Variants in OLIG2 observed in about 807,000 individuals in gnomAD.
The protein encoded by OLIG2 is basic domain, helix-loop-helix protein, class B, 1.
A neutral mutation model predicts 13.4 loss-of-function variants in OLIG2; 12 were observed. That is an observed-to-expected ratio of 0.90 (90% confidence interval 0.58 to 1.46). The LOEUF is 1.46. OLIG2 is among the 40% of genes most tolerant of loss of function. The probability of loss-of-function intolerance (pLI) is 0.00; values close to 1 mark genes in which losing one functional copy is unlikely to be tolerated. For missense variants in OLIG2, 415 were observed against 487.9 expected, an observed-to-expected ratio of 0.85 and a Z score of 1.41; for synonymous variants, 250 against 233.6, an observed-to-expected ratio of 1.07 and a Z score of -0.64.
Position 33,027,636 on chromosome 21 carries a change from C to A in OLIG2, c.774C>A (p.His258Gln). ...LPSVGSIRPP[H>Q]GLLKSPSAAA... is the part of the protein sequence containing the mutation. Reference sequence around the variant, plus strand: ...CGGTCGGCTCCATCCGTCCACCGCACGGCCTACTCAAGTCTCCGTCTGCTG... The same window carrying A: ...CGGTCGGCTCCATCCGTCCACCGCAAGGCCTACTCAAGTCTCCGTCTGCTG... Residue 258 changes from histidine (H) to glutamine (Q), a missense_variant, in exon 2 of 2, where the codon CAC (histidine) becomes CAA (glutamine). Around this residue, in one of 3 missense-constraint regions of OLIG2, gnomAD observed 243 missense variants for 241.2 expected, o/e 1.01. Transcript: ENST00000382357. 1 of 1,465,300 alleles carries A rather than the reference C, an allele frequency of 6.8e-7. No individual in the cohort carries two copies. Among genetic ancestry groups the A allele is most frequent in the Non-Finnish European group, 9.0e-7 (1 of 1,114,594 alleles). 90.8% of individuals were successfully genotyped at this position (1,465,300 alleles called of 1,614,324 possible).
chr21:33,026,446 C>T lies in OLIG2; in HGVS notation c.-62-355C>T, dbSNP rs1247855875. On this transcript the variant is annotated intron_variant, in intron 1 of 1. Transcript: ENST00000382357. This position sits in a 1 kb window ranked among gnomAD's most constrained non-coding sequence, Gnocchi z 6.6. ...CTCCCCAAAGAAAGGCCCTCACTTCCCACTCGTTTATTCCAGCCCGGGGGC... is the reference window on the plus strand; with the variant it reads ...CTCCCCAAAGAAAGGCCCTCACTTCTCACTCGTTTATTCCAGCCCGGGGGC... The T allele has an allele frequency of 4.8e-6, 1 of 209,250 alleles. No homozygotes were observed. Among genetic ancestry groups the T allele is most frequent in the African/African-American group, 2.3e-5 (1 of 42,630 alleles). 13.0% of individuals were successfully genotyped at this position (209,250 alleles called of 1,614,324 possible).
At position 33,026,766 on chromosome 21, in the gene OLIG2, CTCAT is replaced by C; in HGVS notation, c.-62-32_-62-29del. ...TCTCTCTCTCTCCCTCTCTCTCTCT[CTCAT>C]TCTCTCTCTTTTCTCCTCCTCTCCT... On this transcript the variant is annotated intron_variant, in intron 1 of 1. Coordinates refer to ENST00000382357, the MANE Select transcript of OLIG2 (RefSeq NM_005806.4). The surrounding 1 kb of genome is among the most constrained non-coding windows in gnomAD (Gnocchi z 6.6). The C allele has an allele frequency of 6.9e-7, 1 of 1,439,374 alleles. No homozygotes were observed. Among genetic ancestry groups the C allele is most frequent in the Non-Finnish European group, 9.4e-7 (1 of 1,067,128 alleles). The allele number at this position is 1,439,374 out of a possible 1,614,324, so 89.2% of individuals were successfully genotyped here.
At position 33,026,993 on chromosome 21, in the gene OLIG2, C is replaced by A; in HGVS notation, c.131C>A (p.Pro44Gln). 1.2e-6 allele frequency: 2 copies of A among 1,612,340 alleles called. No homozygotes were observed. The highest frequency in any genetic ancestry group is 1.7e-6 in the Non-Finnish European group (2 of 1,179,522). ...GGGGGCACCGTGTCCTCGTCCACCCCGAGTGACTGCCCGCCGGAGCTGAGC... is the reference window on the plus strand; with the variant it reads ...GGGGGCACCGTGTCCTCGTCCACCCAGAGTGACTGCCCGCCGGAGCTGAGC... ...FTGGTVSSSTPSDCPPELSAE... is the reference protein window; with the variant it reads ...FTGGTVSSSTQSDCPPELSAE... Residue 44 changes from proline (P) to glutamine (Q), a missense_variant, in exon 2 of 2, where the codon CCG becomes CAG. By Grantham distance (76) the Pro-to-Gln change is moderately conservative (BLOSUM62 -1). Coordinates refer to ENST00000382357, the MANE Select transcript of OLIG2 (RefSeq NM_005806.4). The surrounding 1 kb of genome is among the most constrained non-coding windows in gnomAD (Gnocchi z 6.6).
In OLIG2 at chr21:33,028,439, T is replaced by C. The variant is rs1465329076; in HGVS notation, c.*605T>C. On this transcript the variant is annotated 3_prime_UTR_variant, in exon 2 of 2. Coordinates refer to ENST00000382357, the MANE Select transcript of OLIG2 (RefSeq NM_005806.4). ...GGTATCAGAAGCGCTGATGGTCATATCCAATCTCAATATCTGGGTCAATCC... is the reference window on the plus strand; with the variant it reads ...GGTATCAGAAGCGCTGATGGTCATACCCAATCTCAATATCTGGGTCAATCC... The C allele has an allele frequency of 4.2e-6, 1 of 237,412 alleles. No homozygotes were observed. The highest frequency in any genetic ancestry group is 9.0e-6 in the Non-Finnish European group (1 of 111,488). The allele number at this position is 237,412 out of a possible 1,614,324, so 14.7% of individuals were successfully genotyped here.
chr21:33,027,791 T>A lies in OLIG2; in HGVS notation c.929T>A (p.Met310Lys). The change falls in exon 2 of 2, where the codon ATG (methionine) becomes AAG (lysine). Residue 310 changes from methionine to lysine, a missense_variant. This residue lies in a region of OLIG2 where 243 missense variants were observed against 241.2 expected (regional missense o/e 1.01). Transcript: ENST00000382357. ...CCGCCGCACCACCACGTGTCGGCTA[T>A]GGGCGCCGGCAGCCTGCCGCGCCTC... is the stretch of plus-strand genomic sequence containing the variant. ...VPPPHHHVSAMGAGSLPRLTS... is the reference protein window; with the variant it reads ...VPPPHHHVSAKGAGSLPRLTS... 1 of 1,426,106 alleles carries A rather than the reference T, an allele frequency of 7.0e-7. No individual in the cohort carries two copies. Among genetic ancestry groups the A allele is most frequent in the Non-Finnish European group, 9.1e-7 (1 of 1,095,254 alleles). 88.3% of individuals were successfully genotyped at this position (1,426,106 alleles called of 1,614,324 possible).
In OLIG2 at chr21:33,028,897, G is replaced by A; in HGVS notation, c.*1063G>A. On this transcript the variant is annotated 3_prime_UTR_variant, in exon 2 of 2. Coordinates refer to ENST00000382357, the MANE Select transcript of OLIG2 (RefSeq NM_005806.4). ...TCACGTGACTGCCAGCCCCATCGGA[G>A]TCTAAGCCGGCTTTCCTCTATTTTG... is the stretch of plus-strand genomic sequence containing the variant. 1 of 242,288 alleles carries A rather than the reference G, an allele frequency of 4.1e-6. No homozygotes were observed. Among genetic ancestry groups the A allele is most frequent in the Non-Finnish European group, 8.7e-6 (1 of 114,408 alleles). 15.0% of individuals were successfully genotyped at this position (242,288 alleles called of 1,614,324 possible).
Position 33,026,721 on chromosome 21 carries a change from T to G in OLIG2, c.-62-80T>G, listed in dbSNP as rs1287280846. On this transcript the variant is annotated intron_variant, in intron 1 of 1. Coordinates refer to ENST00000382357, the MANE Select transcript of OLIG2 (RefSeq NM_005806.4). This position sits in a 1 kb window ranked among gnomAD's most constrained non-coding sequence, Gnocchi z 6.6. ...GCGGTGCAGGCGGGAGCAGCTTTTC[T>G]GTCTCTCACTGACTCACTCTCTCTC... is the stretch of plus-strand genomic sequence containing the variant. 5 of 1,101,162 alleles carry G rather than the reference T, an allele frequency of 4.5e-6. No homozygotes were observed. Among genetic ancestry groups the G allele is most frequent in the Non-Finnish European group, 6.3e-6 (5 of 791,530 alleles). The allele number at this position is 1,101,162 out of a possible 1,614,324, so 68.2% of individuals were successfully genotyped here.
chr21:33,028,030 G>A lies in OLIG2; in HGVS notation c.*196G>A. On this transcript the variant is annotated 3_prime_UTR_variant, in exon 2 of 2. Coordinates refer to ENST00000382357, the MANE Select transcript of OLIG2 (RefSeq NM_005806.4). The stretch of plus-strand genomic sequence containing the variant: ...GCCCACAGAGCAGTGGGGAGTGAGG[G>A]GATGTTCTCTCCGGGACCTGATCGA... 1.9e-6 allele frequency: 1 copy of A among 521,288 alleles called. No individual in the cohort carries two copies. The highest frequency in any genetic ancestry group is 3.5e-5 in the East Asian group (1 of 28,332). 32.3% of individuals were successfully genotyped at this position (521,288 alleles called of 1,614,324 possible). A position where few individuals can be genotyped will look rare whatever the true frequency, so the allele number is the denominator to read the frequency against.
rs903481583 is a variant in OLIG2 at position 33,027,419 on chromosome 21, C to A, written c.557C>A (p.Pro186Gln). ...GGGGGCCACCACGCTGGCTTCCACC[C>A]GTCGGCCTGCGGCGGCCTGGCGCAC... Reference protein sequence around the residue: ...IYGGHHAGFHPSACGGLAHSA... With the variant: ...IYGGHHAGFHQSACGGLAHSA... Residue 186 changes from proline to glutamine, a missense_variant, in exon 2 of 2, where the codon CCG becomes CAG. Physicochemically the swap from Pro to Gln is moderately conservative, Grantham distance 76. This residue lies in a region of OLIG2 where 243 missense variants were observed against 241.2 expected (regional missense o/e 1.01). Transcript: ENST00000382357. 8.4e-6 allele frequency: 13 copies of A among 1,542,496 alleles called. No homozygotes were observed. The highest frequency in any genetic ancestry group is 1.4e-5 in the African/African-American group (1 of 72,858).
chr21:33,027,800 G>T lies in OLIG2; in HGVS notation c.938G>T (p.Gly313Val). The stretch of plus-strand genomic sequence containing the variant: ...CACCACGTGTCGGCTATGGGCGCCG[G>T]CAGCCTGCCGCGCCTCACCTCCGAC... Reference protein sequence around the residue: ...PHHHVSAMGAGSLPRLTSDAK With the variant: ...PHHHVSAMGAVSLPRLTSDAK The change falls in exon 2 of 2, where the codon GGC becomes GTC. Residue 313 changes from glycine to valine, a missense_variant. Physicochemically the swap from Gly to Val is moderately radical, Grantham distance 109. This residue lies in a region of OLIG2 where 243 missense variants were observed against 241.2 expected (regional missense o/e 1.01). Coordinates refer to ENST00000382357, the MANE Select transcript of OLIG2 (RefSeq NM_005806.4). 5 of 1,427,166 alleles carry T rather than the reference G, an allele frequency of 3.5e-6. No homozygotes were observed. Among genetic ancestry groups the T allele is most frequent in the Non-Finnish European group, 3.6e-6 (4 of 1,096,478 alleles). 88.4% of individuals were successfully genotyped at this position (1,427,166 alleles called of 1,614,324 possible). A position where few individuals can be genotyped will look rare whatever the true frequency, so the allele number is the denominator to read the frequency against.
In OLIG2 at chr21:33,026,826, C is replaced by T. The variant is rs774325732; in HGVS notation, c.-37C>T. ...TTTTCGGGTCCGAGGGAAGGAGGAC[C>T]CTGCGAAAGCTGCGACGACTATCTT... On this transcript the variant is annotated 5_prime_UTR_variant, in exon 2 of 2. Transcript: ENST00000382357. This position sits in a 1 kb window ranked among gnomAD's most constrained non-coding sequence, Gnocchi z 6.6. 2.5e-6 allele frequency: 4 copies of T among 1,599,980 alleles called. No homozygotes were observed. In the Admixed American group the frequency reaches 6.7e-5, roughly 27 times the overall value.
chr21:33,027,538 G>T lies in OLIG2; in HGVS notation c.676G>T (p.Ala226Ser). The T allele has an allele frequency of 6.8e-7, 1 of 1,473,134 alleles. No homozygotes were observed. 91.3% of individuals were successfully genotyped at this position (1,473,134 alleles called of 1,614,324 possible). The change falls in exon 2 of 2, where the codon GCC (alanine) becomes TCC (serine). Residue 226 changes from alanine (A) to serine (S), a missense_variant. Physicochemically the swap from Ala to Ser is moderately conservative, Grantham distance 99. Transcript: ENST00000382357. The stretch of plus-strand genomic sequence containing the variant: ...GCACCACCCCATCCTGCCGCCCGCC[G>T]CCGCAGCGGCTGCTGCCGCCGCTGC... ...AVHHPILPPA[A>S]AAAAAAAAAA...
rs371616082 is a variant in OLIG2 at position 33,027,018 on chromosome 21, C to T, written c.156C>T (p.Ser52=). Residue 52 remains serine (S), a synonymous_variant, in exon 2 of 2, where the codon AGC becomes AGT. Transcript: ENST00000382357. The stretch of plus-strand genomic sequence containing the variant: ...CGAGTGACTGCCCGCCGGAGCTGAG[C>T]GCCGAGCTGCGCGGCGCTATGGGCT... ...STPSDCPPEL[S]AELRGAMGSA... is the part of the protein sequence containing the mutation. The T allele has an allele frequency of 4.9e-5, 79 of 1,611,896 alleles. No individual in the cohort carries two copies. The Middle Eastern group carries it at 4.5e-3, about 91-fold the overall frequency.
rs1264281259 is a variant in OLIG2, at chr21:33,027,626, G to T, written c.764G>T (p.Arg255Leu). 3 of 1,474,414 alleles carry T rather than the reference G, an allele frequency of 2.0e-6. No homozygotes were observed. Among genetic ancestry groups the T allele is most frequent in the African/African-American group, 1.5e-5 (1 of 67,914 alleles). The allele number at this position is 1,474,414 out of a possible 1,614,324, so 91.3% of individuals were successfully genotyped here. A position where few individuals can be genotyped will look rare whatever the true frequency, so the allele number is the denominator to read the frequency against. The change falls in exon 2 of 2, where the codon CGT (arginine) becomes CTT (leucine). Residue 255 changes from arginine (R) to leucine (L), a missense_variant. Physicochemically the swap from Arg to Leu is moderately radical, Grantham distance 102 (BLOSUM62 -2). This residue lies in a region of OLIG2 where 243 missense variants were observed against 241.2 expected (regional missense o/e 1.01). Transcript: ENST00000382357. ...GGGCTGCCGTCGGTCGGCTCCATCC[G>T]TCCACCGCACGGCCTACTCAAGTCT... ...GSGLPSVGSI[R>L]PPHGLLKSPS... is the part of the protein sequence containing the mutation.
At position 33,027,780 on chromosome 21, in the gene OLIG2, C is replaced by A; in HGVS notation, c.918C>A (p.His306Gln). 7.0e-7 allele frequency: 1 copy of A among 1,427,394 alleles called. No homozygotes were observed. The highest frequency in any genetic ancestry group is 9.1e-7 in the Non-Finnish European group (1 of 1,096,248). 88.4% of individuals were successfully genotyped at this position (1,427,394 alleles called of 1,614,324 possible). A position where few individuals can be genotyped will look rare whatever the true frequency, so the allele number is the denominator to read the frequency against. The change falls in exon 2 of 2, where the codon CAC becomes CAA. Residue 306 changes from histidine (H) to glutamine (Q), a missense_variant. Around this residue, in one of 3 missense-constraint regions of OLIG2, gnomAD observed 243 missense variants for 241.2 expected, o/e 1.01. Coordinates refer to ENST00000382357, the MANE Select transcript of OLIG2 (RefSeq NM_005806.4). ...GCCAGGTGCCGCCGCCGCACCACCA[C>A]GTGTCGGCTATGGGCGCCGGCAGCC... ...SMCQVPPPHHHVSAMGAGSLP... is the reference protein window; with the variant it reads ...SMCQVPPPHHQVSAMGAGSLP...
At position 33,026,763 on chromosome 21, in the gene OLIG2, T is replaced by A. The variant is rs1568808296; in HGVS notation, c.-62-38T>A. 1 of 1,407,638 alleles carries A rather than the reference T, an allele frequency of 7.1e-7. No homozygotes were observed. Among genetic ancestry groups the A allele is most frequent in the South Asian group, 1.3e-5 (1 of 75,254 alleles). The allele number at this position is 1,407,638 out of a possible 1,614,324, so 87.2% of individuals were successfully genotyped here. ...CTCTCTCTCTCTCTCCCTCTCTCTC[T>A]CTCTCATTCTCTCTCTTTTCTCCTC... On this transcript the variant is annotated intron_variant, in intron 1 of 1. Coordinates refer to ENST00000382357, the MANE Select transcript of OLIG2 (RefSeq NM_005806.4). This position sits in a 1 kb window ranked among gnomAD's most constrained non-coding sequence, Gnocchi z 6.6.
chr21:33,026,753 CCTCTCTCTCTCTCT>C lies in OLIG2; in HGVS notation c.-62-46_-62-33del. Reference sequence around the variant, plus strand: ...CACTGACTCACTCTCTCTCTCTCTCCCTCTCTCTCTCTCTCATTCTCTCTCTTTTCTCCTCCTCT... The same window carrying C: ...CACTGACTCACTCTCTCTCTCTCTCCCATTCTCTCTCTTTTCTCCTCCTCT... On this transcript the variant is annotated intron_variant, in intron 1 of 1. Coordinates refer to ENST00000382357, the MANE Select transcript of OLIG2 (RefSeq NM_005806.4). The surrounding 1 kb of genome is among the most constrained non-coding windows in gnomAD (Gnocchi z 6.6). 1 of 1,041,218 alleles carries C rather than the reference CCTCTCTCTCTCTCT, an allele frequency of 9.6e-7. No homozygotes were observed. The highest frequency in any genetic ancestry group is 1.7e-5 in the South Asian group (1 of 60,490). The allele number at this position is 1,041,218 out of a possible 1,614,324, so 64.5% of individuals were successfully genotyped here.
rs1042028278 is a variant in OLIG2 at position 33,028,589 on chromosome 21, A to G, written c.*755A>G. 3 of 240,668 alleles carry G rather than the reference A, an allele frequency of 1.2e-5. No individual in the cohort carries two copies. Among genetic ancestry groups the G allele is most frequent in the Non-Finnish European group, 2.6e-5 (3 of 113,602 alleles). The allele number at this position is 240,668 out of a possible 1,614,324, so 14.9% of individuals were successfully genotyped here. A position where few individuals can be genotyped will look rare whatever the true frequency, so the allele number is the denominator to read the frequency against. ...GAGCAAGTTTATAGACATTCAGAGT[A>G]GAACCACTTGTGGATTGGAATAACC... On this transcript the variant is annotated 3_prime_UTR_variant, in exon 2 of 2. Transcript: ENST00000382357.
At position 33,027,198 on chromosome 21, in the gene OLIG2, G is replaced by T; in HGVS notation, c.336G>T (p.Lys112Asn). 1 of 1,611,238 alleles carries T rather than the reference G, an allele frequency of 6.2e-7. No homozygotes were observed. Residue 112 changes from lysine to asparagine, a missense_variant, in exon 2 of 2, where the codon AAG (lysine) becomes AAT (asparagine). Lys to Asn is a moderately conservative substitution (Grantham distance 94). This residue lies in a region of OLIG2 where 50 missense variants were observed against 119.9 expected (regional missense o/e 0.42). Coordinates refer to ENST00000382357, the MANE Select transcript of OLIG2 (RefSeq NM_005806.4). ...CGGAGCTGCAGCAGCTGCGTCTCAA[G>T]ATCAACAGCCGCGAGCGCAAGCGCA... ...TEPELQQLRL[K>N]INSRERKRMH...
Sources: allele counts gnomAD v4.1 joint callset, GRCh38; gene constraint gnomAD v4.1.1; regional missense constraint gnomAD v4.1.1; non-coding constraint Gnocchi (gnomAD v3.1); transcripts MANE v1.5; gene names NCBI Gene and HGNC (gene_info 2026-07-23, HGNC 2026-07-21).